Variants in MARCHF6 observed in about 807,000 individuals in gnomAD.
The protein encoded by MARCHF6 is membrane associated ring-CH-type finger 6.
In MARCHF6, 31 loss-of-function variants were observed where a neutral mutation model predicts 133.7. The ratio of observed to expected loss-of-function variants is 0.23; its 90% CI spans 0.17 to 0.31. MARCHF6 has a LOEUF of 0.31. Ranked by LOEUF, MARCHF6 falls within the 10% of genes least tolerant of loss-of-function variation. The pLI, the probability that MARCHF6 is intolerant of heterozygous loss-of-function variation, is 1.00. For synonymous variants in MARCHF6, 395 were observed against 402.5 expected (o/e 0.98, Z 0.22); for missense variants, 723 against 1,121.6 (o/e 0.64, Z 5.08).
intron 15 of MARCHF6, among the ~76,000 whole-genome samples, chr5:10,404,479 A>G (rs190553596): frequency 1.1e-4 from 16 of 152,312 alleles, no homozygotes; most frequent in Non-Finnish European, 2.4e-4. Context: ...TTCCCCAAAT[A>G]CTGAATGGTC....
chr5:10,380,010 G>T (rs1397089941), intron 3 of MARCHF6, among the ~76,000 whole-genome samples: 1 of 152,102 alleles, frequency 6.6e-6, no homozygotes, highest in Non-Finnish European at 1.5e-5. Flanking sequence ...TTTTAACTAT[G>T]ATTCCTGTGC....
At chr5:10,403,973 A>G (rs1167067515) in intron 15 of MARCHF6, among the ~76,000 whole-genome samples, 2 of 152,288 alleles carry the variant, frequency 1.3e-5, no homozygotes, top group South Asian at 4.1e-4. Context: ...AGGCGCCTTA[A>G]GTATAGAATT....
chr5:10,433,874 T>A lies in MARCHF6; in HGVS notation c.*190T>A. The A allele has an allele frequency of 1.7e-6, 1 of 583,314 alleles. No individual in the cohort carries two copies. The highest frequency in any genetic ancestry group is 3.1e-6 in the Non-Finnish European group (1 of 324,172). 36.1% of individuals were successfully genotyped at this position (583,314 alleles called of 1,614,324 possible). On this transcript the variant is annotated 3_prime_UTR_variant, in exon 26 of 26. Transcript: ENST00000274140. ...TCCCTGGATCTTCTGACATTACTGC[T>A]GTCTGAGATTTGTATATGTGTAAAT...
At chr5:10,389,183 C>T (rs1297968820) in intron 5 of MARCHF6, among the ~76,000 whole-genome samples, 2 of 152,060 alleles carry the variant, frequency 1.3e-5, no homozygotes, top group Non-Finnish European at 2.9e-5. Context: ...TTTGAGTTAT[C>T]TGTGAATAAT....
At chr5:10,355,496 A>G (rs1735398865) in intron 1 of MARCHF6, among the ~76,000 whole-genome samples, 1 of 152,226 alleles carries the variant, frequency 6.6e-6, no homozygotes, top group Non-Finnish European at 1.5e-5. Context: ...TTGCGCTCGA[A>G]GCACGTATGG....
chr5:10,428,077 T>TG (rs1740182590), intron 24 of MARCHF6, among the ~76,000 whole-genome samples: 1 of 151,336 alleles, frequency 6.6e-6, no homozygotes, highest in Admixed American at 6.6e-5. Flanking sequence ...AAAAAAAAAA[T>TG]TGCTCAACAC....
intron 3 of MARCHF6, 131 bp from the exon 4 acceptor site, chr5:10,381,669 T>A: frequency 1.5e-6 from 1 of 661,482 alleles, no homozygotes; most frequent in South Asian, 2.3e-5. Flanking sequence ...ATTTGGTTTA[T>A]TTTTTTTAAA....
intron 5 of MARCHF6, among the ~76,000 whole-genome samples, chr5:10,390,048 C>T (rs1737729907): frequency 6.6e-6 from 1 of 152,120 alleles, no homozygotes; most frequent in Non-Finnish European, 1.5e-5. Context: ...AAAAGATAGG[C>T]TATGGATAGG....
rs1040014725 is a variant in MARCHF6, at chr5:10,434,750, A to C, written c.*1066A>C. The stretch of plus-strand genomic sequence containing the variant: ...CTCGTTGGCTGAGGACTAGGTGTGC[A>C]TTTCTCCTAGCTTTTCATCAGGAAA... On this transcript the variant is annotated 3_prime_UTR_variant, in exon 26 of 26. Transcript: ENST00000274140. 3 of 152,706 alleles carry C rather than the reference A, an allele frequency of 2.0e-5. No individual in the cohort carries two copies. Among genetic ancestry groups the C allele is most frequent in the Admixed American group, 6.5e-5 (1 of 15,294 alleles). 9.5% of individuals were successfully genotyped at this position (152,706 alleles called of 1,614,324 possible). A position where few individuals can be genotyped will look rare whatever the true frequency, so the allele number is the denominator to read the frequency against.
chr5:10,426,246 A>G lies in MARCHF6; in HGVS notation c.2374-144A>G, dbSNP rs779688955. 6 of 809,980 alleles carry G rather than the reference A, an allele frequency of 7.4e-6. No individual in the cohort carries two copies. In the African/African-American group the frequency reaches 1.0e-4, roughly 14 times the overall value. The allele number at this position is 809,980 out of a possible 1,614,324, so 50.2% of individuals were successfully genotyped here. A position where few individuals can be genotyped will look rare whatever the true frequency, so the allele number is the denominator to read the frequency against. On this transcript the variant is annotated intron_variant, in intron 23 of 25. Coordinates refer to ENST00000274140, the MANE Select transcript of MARCHF6 (RefSeq NM_005885.4). ...TCGTGGGCACTATGCTTATGTTGAT[A>G]TACCAGAATTTGCCTTGACTTTAGA...
chr5:10,415,622 C>G lies in MARCHF6; in HGVS notation c.2101C>G (p.Gln701Glu). ...GACGGTGATGGTGGCATGGATGCCT[C>G]AGGGACGCAGAGTGATCTTCCAGAA... ...AVTVMVAWMP[Q>E]GRRVIFQKVK... The change falls in exon 21 of 26, where the codon CAG becomes GAG. Residue 701 changes from glutamine to glutamate, a missense_variant. Physicochemically the swap from Gln to Glu is conservative, Grantham distance 29. Coordinates refer to ENST00000274140, the MANE Select transcript of MARCHF6 (RefSeq NM_005885.4). 6.2e-7 allele frequency: 1 copy of G among 1,614,118 alleles called. No homozygotes were observed. Among genetic ancestry groups the G allele is most frequent in the Non-Finnish European group, 8.5e-7 (1 of 1,180,012 alleles).
At chr5:10,397,025 G>C (rs1038362732) in intron 9 of MARCHF6, among the ~76,000 whole-genome samples, 2 of 152,164 alleles carry the variant, frequency 1.3e-5, no homozygotes, top group Non-Finnish European at 2.9e-5. Context: ...ATTTGTCGTA[G>C]ATTATTTCTA....
At chr5:10,433,382 T>C (rs530167537) in intron 25 of MARCHF6, among the ~76,000 whole-genome samples, 25 of 152,308 alleles carry the variant, frequency 1.6e-4, no homozygotes, top group African/African-American at 5.5e-4. Context: ...TTGCACAGCA[T>C]TGGAGGCCTT....
chr5:10,382,257 A>G (rs1448362095), intron 4 of MARCHF6, among the ~76,000 whole-genome samples: 1 of 152,154 alleles, frequency 6.6e-6, no homozygotes, highest in African/African-American at 2.4e-5. Flanking sequence ...AAGGGCTACA[A>G]AAGACGGCCG....
chr5:10,396,724 A>G (rs922745115), intron 9 of MARCHF6, among the ~76,000 whole-genome samples: 6 of 152,190 alleles, frequency 3.9e-5, no homozygotes, highest in African/African-American at 1.4e-4. Flanking sequence ...AGGTGACAGT[A>G]TGTAACTGTG....
intron 5 of MARCHF6, among the ~76,000 whole-genome samples, chr5:10,387,987 T>C (rs986621591): frequency 6.6e-6 from 1 of 152,248 alleles, no homozygotes; most frequent in African/African-American, 2.4e-5. Context: ...CATGTGTTTT[T>C]AACATACACA....
chr5:10,404,071 ATTTATTTAC>A (rs1738723705), intron 15 of MARCHF6, among the ~76,000 whole-genome samples: 1 of 142,852 alleles, frequency 7.0e-6, no homozygotes, highest in Non-Finnish European at 1.6e-5. Context: ...TTATTTATTT[ATTTATTTAC>A]TTATTTACTT....
At chr5:10,396,431 G>C (rs998833369) in intron 9 of MARCHF6, among the ~76,000 whole-genome samples, 2 of 152,212 alleles carry the variant, frequency 1.3e-5, no homozygotes, top group Non-Finnish European at 2.9e-5. Context: ...TTAAGGCAGA[G>C]AGGTTGAAAA....
rs2126391920 is a variant in MARCHF6 at position 10,435,520 on chromosome 5, A to G, written c.*1836A>G. ...TACCTTTACTCAGAAATTTAGTCCT[A>G]CTATAAAAAATTAGGATTTTAAAAT... On this transcript the variant is annotated 3_prime_UTR_variant, in exon 26 of 26. Coordinates refer to ENST00000274140, the MANE Select transcript of MARCHF6 (RefSeq NM_005885.4). 6.7e-6 allele frequency: 1 copy of G among 149,362 alleles called. No homozygotes were observed. The highest frequency in any genetic ancestry group is 2.1e-4 in the South Asian group (1 of 4,708). 9.3% of individuals were successfully genotyped at this position (149,362 alleles called of 1,614,324 possible).
Sources: gnomAD v4.1 joint callset for allele counts (sites outside exome capture counted in the v4.1 genomes callset) on GRCh38, gnomAD v4.1.1 for gene constraint, MANE v1.5 for transcripts, NCBI Gene and HGNC (gene_info 2026-07-23, HGNC 2026-07-21) for gene names.